The following TLN2 variants were observed in gnomAD, a reference collection of about 807,000 sequenced individuals.
TLN2 encodes talin-2.
Under a neutral mutation model 294.7 loss-of-function variants are expected in TLN2, and 118 were observed. The ratio of observed to expected loss-of-function variants is 0.40; its 90% CI spans 0.34 to 0.47. The LOEUF (loss-of-function observed/expected upper bound fraction) is 0.47. Ranked by LOEUF, TLN2 falls within the 20% of genes least tolerant of loss-of-function variation. The probability of loss-of-function intolerance (pLI) is 0.84; values close to 1 mark genes in which losing one functional copy is unlikely to be tolerated. For synonymous variants in TLN2, 1,431 were observed against 1,304.5 expected (o/e 1.10, Z -2.09); for missense variants, 3,083 against 3,282.2 (o/e 0.94, Z 1.48).
rs1367545390 is a variant in TLN2 at position 62,836,093 on chromosome 15, G to A, written c.7374+20G>A. ...CTACAGGTAATGGTCACTGATGCTGGTGGGAAAATACTCCTGTTGGAGCGG... is the reference window on the plus strand; with the variant it reads ...CTACAGGTAATGGTCACTGATGCTGATGGGAAAATACTCCTGTTGGAGCGG... On this transcript the variant is annotated intron_variant, in intron 57 of 58. Transcript: ENST00000636159. 3 of 1,595,870 alleles carry A rather than the reference G, an allele frequency of 1.9e-6. No homozygotes were observed. The African/African-American group carries it at 4.0e-5, about 21-fold the overall frequency.
At chr15:62,415,071 G>A (rs2034000222) in intron 1 of TLN2, among the ~76,000 whole-genome samples, 1 of 140,296 alleles carries the variant, frequency 7.1e-6, no homozygotes, top group Non-Finnish European at 1.5e-5. Flanking sequence ...ACCATGCCCT[G>A]CCAATTTTTG....
intron 1 of TLN2, among the ~76,000 whole-genome samples, chr15:62,495,776 A>T (rs1360682627): frequency 6.6e-6 from 1 of 152,096 alleles, no homozygotes. Flanking sequence ...GCCACATTCC[A>T]CTTGATCCCT....
chr15:62,486,452 GTTTTTTTTTTTTT>G (rs34975634), intron 1 of TLN2, among the ~76,000 whole-genome samples: 1 of 93,292 alleles, frequency 1.1e-5, no homozygotes, highest in African/African-American at 4.2e-5. Context: ...CAGTTCCTTT[GTTTTTTTTTTTTT>G]TTTTTTTTTT....
At chr15:62,825,920 C>T (rs2068153304) in intron 54 of TLN2, among the ~76,000 whole-genome samples, 1 of 132,910 alleles carries the variant, frequency 7.5e-6, no homozygotes, top group African/African-American at 3.0e-5. Flanking sequence ...GTAGTCCCAG[C>T]TACTCAGGAG....
chr15:62,475,702 G>C lies in TLN2; in HGVS notation c.-238+85017G>C, dbSNP rs138427399. On this transcript the variant is annotated intron_variant, in intron 1 of 58. Transcript: ENST00000636159. Reference sequence around the variant, plus strand: ...TTCTTCCCCTGCTCAAATGTGAACAGTTCTTTCTTGAACTTTGTTTTTGAC... The same window carrying C: ...TTCTTCCCCTGCTCAAATGTGAACACTTCTTTCTTGAACTTTGTTTTTGAC... Among the ~76,000 whole-genome samples, 586 of 152,278 alleles carry C rather than the reference G, an allele frequency of 3.8e-3. 5 individuals carry two copies. Among genetic ancestry groups the C allele is most frequent in the African/African-American group, 0.013 (554 of 41,564 alleles).
In TLN2 at chr15:62,458,127, G is replaced by A. The variant is rs545564103; in HGVS notation, c.-238+67442G>A. On this transcript the variant is annotated intron_variant, in intron 1 of 58. Coordinates refer to ENST00000636159, the MANE Select transcript of TLN2 (RefSeq NM_015059.3). Reference sequence around the variant, plus strand: ...ATGAGTCAACGGTAGAGCCTTTATTGCTGGTGGCTCTCAGCGCCACCTCTG... The same window carrying A: ...ATGAGTCAACGGTAGAGCCTTTATTACTGGTGGCTCTCAGCGCCACCTCTG... Among the ~76,000 whole-genome samples, 9 of 152,242 alleles carry A rather than the reference G, an allele frequency of 5.9e-5. No individual in the cohort carries two copies. In the East Asian group the frequency reaches 1.5e-3, roughly 26 times the overall value.
chr15:62,482,531 A>G (rs559598765), intron 1 of TLN2, among the ~76,000 whole-genome samples: 12 of 141,944 alleles, frequency 8.5e-5, no homozygotes, highest in African/African-American at 3.1e-4. Context: ...TGAACTGGGG[A>G]GGCAGAGTTG....
intron 45 of TLN2, among the ~76,000 whole-genome samples, chr15:62,785,190 T>A (rs998909722): frequency 6.6e-6 from 1 of 152,216 alleles, no homozygotes; most frequent in Non-Finnish European, 1.5e-5. Flanking sequence ...AAGAGAGTTA[T>A]CAGATACCCA....
intron 28 of TLN2, among the ~76,000 whole-genome samples, chr15:62,731,953 C>T (rs2060752296): frequency 6.6e-6 from 1 of 152,038 alleles, no homozygotes; most frequent in Admixed American, 6.5e-5. Context: ...AATAGGAACA[C>T]AAAGTTATAG....
chr15:62,747,741 A>G (rs968528958), intron 32 of TLN2, among the ~76,000 whole-genome samples: 1 of 152,206 alleles, frequency 6.6e-6, no homozygotes, highest in Non-Finnish European at 1.5e-5. Flanking sequence ...CCTAAACTTT[A>G]CCAACAGCCT....
At chr15:62,643,327 G>C (rs975986217) in intron 3 of TLN2, among the ~76,000 whole-genome samples, 1 of 150,986 alleles carries the variant, frequency 6.6e-6, no homozygotes, top group Non-Finnish European at 1.5e-5. Context: ...GGAGCCAGAA[G>C]TGAGAAGGCA....
At chr15:62,786,536 A>G (rs370641033) in intron 45 of TLN2, among the ~76,000 whole-genome samples, 55 of 152,336 alleles carry the variant, frequency 3.6e-4, no homozygotes, top group East Asian at 1.2e-3. Flanking sequence ...AGAACTCGAG[A>G]TCCTATGAGC....
intron 3 of TLN2, among the ~76,000 whole-genome samples, chr15:62,633,967 C>T (rs955286707): frequency 6.6e-6 from 1 of 152,164 alleles, no homozygotes; most frequent in Non-Finnish European, 1.5e-5. Flanking sequence ...TTTACATCAT[C>T]TTTCCTGTGT....
chr15:62,456,467 C>T (rs2036489970), intron 1 of TLN2, among the ~76,000 whole-genome samples: 1 of 152,194 alleles, frequency 6.6e-6, no homozygotes, highest in African/African-American at 2.4e-5. Context: ...GCGTCTTGTG[C>T]AGGCGACTTT....
intron 1 of TLN2, among the ~76,000 whole-genome samples, chr15:62,582,735 A>C (rs2045248246): frequency 6.6e-6 from 1 of 152,080 alleles, no homozygotes; most frequent in African/African-American, 2.4e-5. Context: ...CAGCCCAGGA[A>C]CTTGGCCTTG....
chr15:62,755,827 T>C (rs1292984228), intron 37 of TLN2, 134 bp downstream of exon 37: 6 of 1,224,168 alleles, frequency 4.9e-6, no homozygotes, highest in Non-Finnish European at 5.6e-6. Flanking sequence ...ATGGTTTGTG[T>C]CACTGAATAG....
At chr15:62,667,103 C>T (rs1021211575) in intron 9 of TLN2, among the ~76,000 whole-genome samples, 4 of 152,104 alleles carry the variant, frequency 2.6e-5, no homozygotes, top group African/African-American at 9.7e-5. Context: ...GTAGCTGGGA[C>T]TACAGGCGCC....
intron 19 of TLN2, among the ~76,000 whole-genome samples, chr15:62,705,944 T>A (rs2059034583): frequency 6.6e-6 from 1 of 152,250 alleles, no homozygotes; most frequent in African/African-American, 2.4e-5. Context: ...GCTTACTTGA[T>A]AGATTCATGG....
At chr15:62,714,968 C>G in intron 22 of TLN2, among the ~76,000 whole-genome samples, 1 of 152,098 alleles carries the variant, frequency 6.6e-6, no homozygotes, top group South Asian at 2.1e-4. Flanking sequence ...TATAAAGGAG[C>G]AGCTTAGAAA....
Sources: gnomAD v4.1 joint callset for allele counts (sites outside exome capture counted in the v4.1 genomes callset) on GRCh38, gnomAD v4.1.1 for gene constraint, MANE v1.5 for transcripts, NCBI Gene and HGNC (gene_info 2026-07-23, HGNC 2026-07-21) for gene names.